The following GNL3 variants were observed in gnomAD, a reference collection of about 807,000 sequenced individuals.
GNL3 encodes G protein nucleolar 3.
GNL3 carries 77 observed loss-of-function variants against 70.6 expected under a neutral mutation model. The observed-to-expected ratio is 1.09, with a 90% CI of 0.91 to 1.32. The LOEUF (loss-of-function observed/expected upper bound fraction) is 1.32. Among genes scored for constraint, GNL3 ranks in the 40% most tolerant of loss-of-function variants. The pLI is 0.00. For missense variants in GNL3, 634 were observed against 644.0 expected (o/e 0.98, Z 0.17); for synonymous variants, 252 against 216.1 (o/e 1.17, Z -1.46).
chr3:52,692,652 GTGTTT>G (rs1322005467), intron 9 of GNL3: 3 of 693,278 alleles, frequency 4.3e-6, no homozygotes, highest in Admixed American at 3.5e-5. Flanking sequence ...GAAATAGCAT[GTGTTT>G]TGGTTGATGT....
In GNL3 at chr3:52,693,543, A is replaced by C. The variant is rs759411241; in HGVS notation, c.1323A>C (p.Arg441Ser). 3.1e-6 allele frequency: 5 copies of C among 1,614,172 alleles called. No homozygotes were observed. The highest frequency in any genetic ancestry group is 4.2e-6 in the Non-Finnish European group (5 of 1,180,020). Residue 441 changes from arginine to serine, a missense_variant and splice_region_variant, in exon 12 of 15, where the codon AGA becomes AGC. Transcript: ENST00000418458. The stretch of plus-strand genomic sequence containing the variant: ...AAAAGAACAATGCACAGAGCATAAG[A>C]GGTGAGAATTGTGTGTCGCTGCTGT... ...ELEKNNAQSI[R>S]AIKGPHLANS...
At chr3:52,688,231 G>T in intron 5 of GNL3, 39 bp downstream of exon 5, 1 of 1,175,452 alleles carries the variant, frequency 8.5e-7, no homozygotes, top group Non-Finnish European at 1.3e-6. Context: ...GTAGTAATGA[G>T]GTTTAAAAGA....
chr3:52,688,137 A>T lies in GNL3; in HGVS notation c.353A>T (p.Lys118Ile). 6.2e-7 allele frequency: 1 copy of T among 1,611,792 alleles called. No individual in the cohort carries two copies. The highest frequency in any genetic ancestry group is 8.5e-7 in the Non-Finnish European group (1 of 1,177,804). ...KEFGLCKTEN[K>I]AKSGKQNSKK... Reference sequence around the variant, plus strand: ...TTTGGGCTTTGCAAAACTGAGAACAAAGCCAAGTCGGGCAAACAGAATTCA... The same window carrying T: ...TTTGGGCTTTGCAAAACTGAGAACATAGCCAAGTCGGGCAAACAGAATTCA... Residue 118 changes from lysine (K) to isoleucine (I), a missense_variant, in exon 5 of 15, where the codon AAA becomes ATA. Lys to Ile is a moderately radical substitution (Grantham distance 102). Coordinates refer to ENST00000418458, the MANE Select transcript of GNL3 (RefSeq NM_014366.5).
chr3:52,693,981 G>C, intron 13 of GNL3, 56 bp from the exon 14 acceptor site: 1 of 1,464,312 alleles, frequency 6.8e-7, no homozygotes, highest in East Asian at 2.3e-5. Flanking sequence ...TAACTACTTG[G>C]ATTAAATGAG....
At position 52,686,125 on chromosome 3, in the gene GNL3, G is replaced by A. The variant is rs766879754; in HGVS notation, c.13+20G>A. The A allele has an allele frequency of 3.2e-6, 5 of 1,585,998 alleles. No individual in the cohort carries two copies. The African/African-American group carries it at 6.7e-5, about 21-fold the overall frequency. ...GGCCTAGTAAGTGGGGTCGGGAGGC[G>A]GGCGTGGAGGGACCCACGTCTGGAA... On this transcript the variant is annotated intron_variant, in intron 1 of 14. Transcript: ENST00000418458.
At chr3:52,686,554 G>T in intron 1 of GNL3, 1 of 593,264 alleles carries the variant, frequency 1.7e-6, no homozygotes. Context: ...CTAATATTGT[G>T]AGGGTAAGTG....
intron 1 of GNL3, 189 bp downstream of exon 1, chr3:52,686,294 C>T (rs2097310790): frequency 7.9e-6 from 5 of 634,752 alleles, no homozygotes; most frequent in East Asian, 2.8e-5. Flanking sequence ...GTTAACCGCG[C>T]GGGCTCATTC....
chr3:52,687,780 C>T, intron 4 of GNL3, 165 bp downstream of exon 4: 1 of 610,604 alleles, frequency 1.6e-6, no homozygotes, highest in Admixed American at 2.9e-5. Flanking sequence ...TACAGAAGCA[C>T]ACCATCACGC....
intron 11 of GNL3, 39 bp downstream of exon 11, chr3:52,693,368 G>C (rs1326584922): frequency 4.3e-6 from 7 of 1,613,962 alleles, no homozygotes; most frequent in Non-Finnish European, 5.9e-6. Context: ...GTGACCACTA[G>C]AATAAACCTT....
At position 52,690,939 on chromosome 3, in the gene GNL3, T is replaced by A. The variant is rs1309521837; in HGVS notation, c.655-6T>A. ...GCCAGAATAATTCAACTATTTGGAATTTTAGCGTGTGAAGGCAAAGAAGAA... is the reference window on the plus strand; with the variant it reads ...GCCAGAATAATTCAACTATTTGGAAATTTAGCGTGTGAAGGCAAAGAAGAA... On this transcript the variant is annotated splice_region_variant and splice_polypyrimidine_tract_variant and intron_variant, in intron 7 of 14. Coordinates refer to ENST00000418458, the MANE Select transcript of GNL3 (RefSeq NM_014366.5). 2 of 1,613,728 alleles carry A rather than the reference T, an allele frequency of 1.2e-6. No individual in the cohort carries two copies. The highest frequency in any genetic ancestry group is 1.1e-5 in the South Asian group (1 of 91,056).
chr3:52,688,983 C>T (rs980890451), intron 5 of GNL3, 91 bp from the exon 6 acceptor site: 3 of 1,029,662 alleles, frequency 2.9e-6, no homozygotes, highest in African/African-American at 1.6e-5. Flanking sequence ...AATGCCAGTA[C>T]TCTCTTGTGG....
At chr3:52,691,124 G>A (rs2097326820) in intron 8 of GNL3, 53 bp downstream of exon 8, 3 of 1,536,236 alleles carry the variant, frequency 2.0e-6, no homozygotes, top group South Asian at 1.1e-5. Flanking sequence ...TAGTTAAGAA[G>A]TTTAGCCAGC....
Position 52,693,714 on chromosome 3 carries a change from A to G in GNL3, c.1407A>G (p.Ile469Met). The G allele has an allele frequency of 6.2e-7, 1 of 1,613,990 alleles. No homozygotes were observed. The highest frequency in any genetic ancestry group is 1.1e-5 in the South Asian group (1 of 91,082). ...LTNGIIEEKD[I>M]HEELPKRKER... ...ATGGAATAATAGAAGAAAAGGACAT[A>G]CATGAAGAATTGCCAAAACGGAAAG... The change falls in exon 13 of 15, where the codon ATA becomes ATG. Residue 469 changes from isoleucine to methionine, a missense_variant. By Grantham distance (10) the Ile-to-Met change is conservative. Transcript: ENST00000418458.
intron 6 of GNL3, among the ~76,000 whole-genome samples, 178 bp from the exon 7 acceptor site, chr3:52,690,414 C>CA (rs1162030782): frequency 2.6e-5 from 4 of 152,136 alleles, no homozygotes; most frequent in African/African-American, 9.7e-5. Context: ...AGGTGCCCAC[C>CA]ACCACGCCCA....
chr3:52,687,163 GCAGC>G, intron 2 of GNL3, 79 bp from the exon 3 acceptor site: 1 of 1,165,224 alleles, frequency 8.6e-7, no homozygotes, highest in Non-Finnish European at 1.2e-6. Flanking sequence ...TAACTAAATT[GCAGC>G]CAGATTGGTT....
chr3:52,691,204 T>C, intron 8 of GNL3, 133 bp downstream of exon 8: 1 of 752,598 alleles, frequency 1.3e-6, no homozygotes, highest in Non-Finnish European at 2.2e-6. Context: ...TACTAGCTTC[T>C]TGCTTATACC....
In GNL3 at chr3:52,691,643, TC is replaced by T; in HGVS notation, c.869+16del. The T allele has an allele frequency of 7.5e-7, 1 of 1,325,514 alleles. No homozygotes were observed. The highest frequency in any genetic ancestry group is 1.1e-6 in the Non-Finnish European group (1 of 916,736). The allele number at this position is 1,325,514 out of a possible 1,614,324, so 82.1% of individuals were successfully genotyped here. A position where few individuals can be genotyped will look rare whatever the true frequency, so the allele number is the denominator to read the frequency against. ...GGGGCTTACAAGGTAAATGGAGGTG[TC>T]CATAATTGTAATATTATAGTGACAC... On this transcript the variant is annotated intron_variant, in intron 9 of 14. Transcript: ENST00000418458.
chr3:52,687,645 A>G, intron 4 of GNL3, 30 bp downstream of exon 4: 2 of 1,385,678 alleles, frequency 1.4e-6, no homozygotes, highest in Non-Finnish European at 2.0e-6. Context: ...TGAATGAGAG[A>G]TCAGGGGTTT....
In GNL3 at chr3:52,691,452, A is replaced by G. The variant is rs1385291554; in HGVS notation, c.782-90A>G. ...AGATCCAACTCTGATCTTGCCCTAA[A>G]CATCAGGGAAATGGAAAATTAGGCA... On this transcript the variant is annotated intron_variant, in intron 8 of 14. Coordinates refer to ENST00000418458, the MANE Select transcript of GNL3 (RefSeq NM_014366.5). The G allele has an allele frequency of 3.8e-6, 3 of 787,048 alleles. No individual in the cohort carries two copies. In the African/African-American group the frequency reaches 5.2e-5, roughly 14 times the overall value. The allele number at this position is 787,048 out of a possible 1,614,324, so 48.8% of individuals were successfully genotyped here.
Sources: allele counts gnomAD v4.1 joint callset (sites outside exome capture counted in the v4.1 genomes callset), GRCh38; gene constraint gnomAD v4.1.1; transcripts MANE v1.5; gene names NCBI Gene and HGNC (gene_info 2026-07-23, HGNC 2026-07-21).